MARCHF4: variants seen among roughly 807,000 people sequenced by gnomAD.
MARCHF4 encodes the protein E3 ubiquitin-protein ligase MARCHF4.
In MARCHF4, 14 loss-of-function variants were observed where a neutral mutation model predicts 43.9. That is an observed-to-expected ratio of 0.32 (90% CI 0.21 to 0.50). The LOEUF (loss-of-function observed/expected upper bound fraction) is 0.50, where lower values mean the gene tolerates loss of function less well. Among genes scored for constraint, MARCHF4 ranks in the 20% least tolerant of loss-of-function variants. The pLI is 0.98. For synonymous variants in MARCHF4, 226 were observed against 213.3 expected (o/e 1.06, Z -0.52); for missense variants, 468 against 536.7 (o/e 0.87, Z 1.27).
chr2:216,299,402 A>G (rs1559092987), intron 1 of MARCHF4, among the ~76,000 whole-genome samples: 1 of 152,206 alleles, frequency 6.6e-6, no homozygotes, highest in Non-Finnish European at 1.5e-5. Context: ...TTTAGGGCAA[A>G]GACACCTGGG....
intron 1 of MARCHF4, among the ~76,000 whole-genome samples, chr2:216,360,197 T>A (rs531397812): frequency 6.6e-6 from 1 of 152,316 alleles, no homozygotes; most frequent in South Asian, 2.1e-4. Flanking sequence ...TTTTAAATTG[T>A]AGCCAGGTCA....
At chr2:216,345,345 A>ATT (rs58568588) in intron 1 of MARCHF4, among the ~76,000 whole-genome samples, 1 of 143,888 alleles carries the variant, frequency 6.9e-6, no homozygotes, top group South Asian at 2.2e-4. Flanking sequence ...TTATACCCTG[A>ATT]TTTTTTTTTT....
At chr2:216,320,652 T>C (rs1174278630) in intron 1 of MARCHF4, among the ~76,000 whole-genome samples, 12 of 122,078 alleles carry the variant, frequency 9.8e-5, no homozygotes, top group African/African-American at 2.3e-4. Context: ...TCTTTCTTTC[T>C]TTCTTTCTTT....
intron 1 of MARCHF4, among the ~76,000 whole-genome samples, chr2:216,346,588 A>T (rs957324078): frequency 2.6e-5 from 4 of 152,048 alleles, no homozygotes; most frequent in Non-Finnish European, 5.9e-5. Context: ...AACACCACAC[A>T]TGTGTGCCAG....
At chr2:216,292,230 G>A (rs181212078) in intron 1 of MARCHF4, among the ~76,000 whole-genome samples, 11 of 152,364 alleles carry the variant, frequency 7.2e-5, no homozygotes, top group African/African-American at 2.4e-4. Flanking sequence ...CTTGGTGAGG[G>A]GGAGATATCT....
chr2:216,271,488 T>C (rs1690937177), intron 3 of MARCHF4, among the ~76,000 whole-genome samples: 1 of 152,202 alleles, frequency 6.6e-6, no homozygotes, highest in African/African-American at 2.4e-5. Flanking sequence ...TTGTGACTTA[T>C]CTGTAGACTA....
chr2:216,327,394 A>T (rs1692012550), intron 1 of MARCHF4, among the ~76,000 whole-genome samples: 1 of 151,618 alleles, frequency 6.6e-6, no homozygotes, highest in African/African-American at 2.4e-5. Flanking sequence ...CCCTCATCTT[A>T]AGGTCTGCTT....
chr2:216,347,500 T>C (rs1050477259), intron 1 of MARCHF4, among the ~76,000 whole-genome samples: 9 of 152,208 alleles, frequency 5.9e-5, no homozygotes, highest in Admixed American at 3.9e-4. Flanking sequence ...GTAGAAGCCA[T>C]AGAAGAACAC....
At chr2:216,360,672 A>C (rs1375628023) in intron 1 of MARCHF4, among the ~76,000 whole-genome samples, 1 of 152,192 alleles carries the variant, frequency 6.6e-6, no homozygotes, top group African/African-American at 2.4e-5. Context: ...ATGATACCAT[A>C]ATGGTAGATA....
At chr2:216,350,320 T>G (rs1201245775) in intron 1 of MARCHF4, among the ~76,000 whole-genome samples, 1 of 94,616 alleles carries the variant, frequency 1.1e-5, no homozygotes, top group African/African-American at 4.2e-5. Context: ...CACCCCTCAC[T>G]GTGCCACACC....
chr2:216,273,378 T>C (rs1240461067), intron 3 of MARCHF4, among the ~76,000 whole-genome samples: 1 of 152,250 alleles, frequency 6.6e-6, no homozygotes, highest in Non-Finnish European at 1.5e-5. Context: ...CCTCTTCTCT[T>C]ACTCGGCTTT....
At chr2:216,315,112 A>G (rs1282169301) in intron 1 of MARCHF4, among the ~76,000 whole-genome samples, 2 of 152,204 alleles carry the variant, frequency 1.3e-5, no homozygotes, top group Non-Finnish European at 2.9e-5. Context: ...TAATACTCCC[A>G]AAGAAGGGGA....
chr2:216,347,304 G>A (rs1692336714), intron 1 of MARCHF4, among the ~76,000 whole-genome samples: 1 of 152,162 alleles, frequency 6.6e-6, no homozygotes, highest in Admixed American at 6.5e-5. Context: ...TTGAGAAGCA[G>A]ACTTGGGTGA....
intron 1 of MARCHF4, among the ~76,000 whole-genome samples, chr2:216,306,508 C>A (rs1011612232): frequency 1.3e-5 from 2 of 152,134 alleles, no homozygotes; most frequent in African/African-American, 4.8e-5. Context: ...ACATTATAAT[C>A]TTCTGCCAGA....
chr2:216,275,266 G>A (rs1322377558), intron 3 of MARCHF4, among the ~76,000 whole-genome samples: 2 of 152,242 alleles, frequency 1.3e-5, no homozygotes, highest in Non-Finnish European at 1.5e-5. Context: ...GAGGAGGAGA[G>A]GTGGCACAGA....
chr2:216,259,693 G>A lies in MARCHF4; in HGVS notation c.866-14C>T, dbSNP rs1221019176. 6.2e-7 allele frequency: 1 copy of A among 1,609,782 alleles called. No homozygotes were observed. The highest frequency in any genetic ancestry group is 2.2e-5 in the East Asian group (1 of 44,810). On this transcript the variant is annotated splice_polypyrimidine_tract_variant and intron_variant, in intron 3 of 3. Transcript: ENST00000273067. ...GGATGATGAGACCTGAGGCAGCAGG[G>A]AGAGGAGAAACAGAGGCCAAATGAG...
intron 1 of MARCHF4, among the ~76,000 whole-genome samples, chr2:216,350,290 T>C (rs1166004268): frequency 8.2e-5 from 5 of 60,610 alleles, no homozygotes; most frequent in Non-Finnish European, 1.2e-4. Flanking sequence ...CTCACTGTGC[T>C]ACACCCCCTC....
chr2:216,330,260 T>G (rs529081149), intron 1 of MARCHF4, among the ~76,000 whole-genome samples: 1 of 152,202 alleles, frequency 6.6e-6, no homozygotes, highest in African/African-American at 2.4e-5. Context: ...GTGTGGTCAA[T>G]TTTTTCATTG....
At chr2:216,262,915 T>C (rs1690764948) in intron 3 of MARCHF4, among the ~76,000 whole-genome samples, 1 of 152,236 alleles carries the variant, frequency 6.6e-6, no homozygotes, top group African/African-American at 2.4e-5. Flanking sequence ...GTGAAAATGC[T>C]ATGGTACAAC....
Sources: gnomAD v4.1 joint callset for allele counts (sites outside exome capture counted in the v4.1 genomes callset) on GRCh38, gnomAD v4.1.1 for gene constraint, MANE v1.5 for transcripts, NCBI Gene and HGNC (gene_info 2026-07-23, HGNC 2026-07-21) for gene names.